Variants in ATP6V1E1 observed in about 807,000 individuals in gnomAD.
ATP6V1E1 encodes the protein V-type proton ATPase subunit E 1.
ATP6V1E1 carries 21 observed loss-of-function variants against 35.2 expected under a neutral mutation model. That is an observed-to-expected ratio of 0.60 (90% confidence interval 0.42 to 0.86). The LOEUF is 0.86. Among genes scored for constraint, ATP6V1E1 ranks in the 40% least tolerant of loss-of-function variants. The pLI is 0.00. For synonymous variants in ATP6V1E1, 83 were observed against 87.8 expected (o/e 0.95, Z 0.30); for missense variants, 183 against 272.6 (o/e 0.67, Z 2.32).
chr22:17,626,462 C>T (rs944081425), intron 1 of ATP6V1E1, among the ~76,000 whole-genome samples: 7 of 152,058 alleles, frequency 4.6e-5, no homozygotes, highest in Admixed American at 1.3e-4. Flanking sequence ...GCAGCCTCGA[C>T]CCCTTGGGCT....
At chr22:17,624,216 G>T (rs2057892262) in intron 1 of ATP6V1E1, among the ~76,000 whole-genome samples, 1 of 152,156 alleles carries the variant, frequency 6.6e-6, no homozygotes, top group African/African-American at 2.4e-5. Context: ...CATGTAGCAT[G>T]AAGGATTATA....
At chr22:17,627,602 T>C (rs952208601) in intron 1 of ATP6V1E1, among the ~76,000 whole-genome samples, 16 of 151,094 alleles carry the variant, frequency 1.1e-4, no homozygotes, top group African/African-American at 3.4e-4. Flanking sequence ...GAAGATCACC[T>C]GAGGTCAGGA....
chr22:17,621,292 G>C (rs1242199237), intron 1 of ATP6V1E1, among the ~76,000 whole-genome samples: 1 of 152,118 alleles, frequency 6.6e-6, no homozygotes, highest in East Asian at 1.9e-4. Flanking sequence ...AAAGATTTTA[G>C]AAGGTACAGG....
intron 6 of ATP6V1E1, among the ~76,000 whole-genome samples, chr22:17,599,278 TAA>T (rs796957937): frequency 1.4e-5 from 2 of 143,532 alleles, no homozygotes. Context: ...TTACCACCAT[TAA>T]AAAAAAAAAA....
chr22:17,616,458 T>C (rs1227841346), intron 2 of ATP6V1E1, among the ~76,000 whole-genome samples: 3 of 151,648 alleles, frequency 2.0e-5, no homozygotes, highest in Non-Finnish European at 4.4e-5. Context: ...GCAGGTGGAC[T>C]GCCTGAGTTC....
intron 4 of ATP6V1E1, among the ~76,000 whole-genome samples, chr22:17,601,516 C>T (rs1386671414): frequency 1.3e-5 from 2 of 152,156 alleles, no homozygotes; most frequent in Non-Finnish European, 2.9e-5. Flanking sequence ...AAGATTACCC[C>T]ATTTTTTTTA....
intron 2 of ATP6V1E1, 191 bp downstream of exon 2, chr22:17,619,270 C>T (rs1407504296): frequency 3.5e-6 from 2 of 575,562 alleles, no homozygotes; most frequent in Admixed American, 3.3e-5. Context: ...TCAGCCTGGG[C>T]GACAAGAGTG....
At chr22:17,613,465 T>G in intron 2 of ATP6V1E1, 145 bp from the exon 3 acceptor site, 3 of 696,476 alleles carry the variant, frequency 4.3e-6, no homozygotes, top group Non-Finnish European at 7.1e-6. Context: ...TCAAGGATTC[T>G]AATTTATTCA....
chr22:17,605,564 T>C (rs1273201286), intron 4 of ATP6V1E1, among the ~76,000 whole-genome samples: 2 of 152,110 alleles, frequency 1.3e-5, no homozygotes, highest in Non-Finnish European at 2.9e-5. Context: ...CTTGTAAGTT[T>C]TGCGGTTTGG....
intron 1 of ATP6V1E1, among the ~76,000 whole-genome samples, chr22:17,621,905 A>T (rs1387383803): frequency 2.0e-5 from 3 of 152,186 alleles, no homozygotes; most frequent in Non-Finnish European, 4.4e-5. Context: ...CAACTGAACT[A>T]TGAGGCTAGG....
At chr22:17,615,161 C>G (rs5747274) in intron 2 of ATP6V1E1, among the ~76,000 whole-genome samples, 52,608 of 151,074 alleles carry the variant, frequency 0.35, 9,481 homozygotes, top group African/African-American at 0.41. Context: ...ATTAGCCAGG[C>G]GTGGTGGCGG....
At chr22:17,594,808 G>T in intron 7 of ATP6V1E1, 192 bp from the exon 8 acceptor site, 1 of 422,092 alleles carries the variant, frequency 2.4e-6, no homozygotes, top group South Asian at 4.5e-5. Context: ...CCCAGTCCCC[G>T]CCTAGATGTC....
chr22:17,602,548 T>C (rs886537931), intron 4 of ATP6V1E1, among the ~76,000 whole-genome samples: 2 of 152,118 alleles, frequency 1.3e-5, no homozygotes, highest in African/African-American at 4.8e-5. Flanking sequence ...TTAATTTTTT[T>C]GTATTTTTAG....
chr22:17,602,764 A>G (rs571373499), intron 4 of ATP6V1E1, among the ~76,000 whole-genome samples: 68 of 152,178 alleles, frequency 4.5e-4, no homozygotes, highest in Non-Finnish European at 7.3e-4. Flanking sequence ...ACACTTAAAC[A>G]TTATTTATTT....
chr22:17,600,156 C>A, intron 5 of ATP6V1E1, 61 bp from the exon 6 acceptor site: 2 of 1,469,020 alleles, frequency 1.4e-6, no homozygotes, highest in Non-Finnish European at 1.9e-6. Context: ...AGAAACAGGT[C>A]GGGCACAGTG....
intron 2 of ATP6V1E1, among the ~76,000 whole-genome samples, chr22:17,616,053 AC>A (rs1169896155): frequency 1.3e-5 from 2 of 148,744 alleles, no homozygotes; most frequent in African/African-American, 5.0e-5. Flanking sequence ...AAACAAACAA[AC>A]AAACAAACAA....
chr22:17,625,420 G>A (rs928362177), intron 1 of ATP6V1E1, among the ~76,000 whole-genome samples: 1 of 151,754 alleles, frequency 6.6e-6, no homozygotes, highest in Non-Finnish European at 1.5e-5. Context: ...CACCTCGCCC[G>A]GCTAATTTTG....
chr22:17,624,604 A>G (rs1485877246), intron 1 of ATP6V1E1, among the ~76,000 whole-genome samples: 1 of 151,966 alleles, frequency 6.6e-6, no homozygotes, highest in Non-Finnish European at 1.5e-5. Context: ...TAATCCCACC[A>G]CTTCGGAGGT....
At chr22:17,625,607 T>C (rs983172028) in intron 1 of ATP6V1E1, among the ~76,000 whole-genome samples, 10 of 152,158 alleles carry the variant, frequency 6.6e-5, no homozygotes, top group African/African-American at 2.4e-4. Flanking sequence ...AGAAGATTCA[T>C]AAGACAGTGA....
Sources: gnomAD v4.1 joint callset for allele counts (sites outside exome capture counted in the v4.1 genomes callset) on GRCh38, gnomAD v4.1.1 for gene constraint, MANE v1.5 for transcripts, NCBI Gene and HGNC (gene_info 2026-07-23, HGNC 2026-07-21) for gene names.